ATP8A2: variants seen among roughly 807,000 people sequenced by gnomAD.
ATP8A2 encodes phospholipid-transporting ATPase IB.
ATP8A2 carries 100 observed loss-of-function variants against 165.6 expected under a neutral mutation model. That is an observed-to-expected ratio of 0.60 (90% CI 0.51 to 0.71). The LOEUF is 0.71. Among genes scored for constraint, ATP8A2 ranks in the 30% least tolerant of loss-of-function variants. The pLI is 0.00. For synonymous variants in ATP8A2, 543 were observed against 548.8 expected (o/e 0.99, Z 0.15); for missense variants, 1,227 against 1,479.5 (o/e 0.83, Z 2.80).
At chr13:25,902,257 G>A (rs1342338017) in intron 33 of ATP8A2, among the ~76,000 whole-genome samples, 1 of 152,170 alleles carries the variant, frequency 6.6e-6, no homozygotes, top group African/African-American at 2.4e-5. Flanking sequence ...GGAGTGATAT[G>A]CTTATAATCT....
intron 1 of ATP8A2, among the ~76,000 whole-genome samples, chr13:25,429,371 T>TAAA (rs751056483): frequency 7.9e-6 from 1 of 126,004 alleles, no homozygotes; most frequent in African/African-American, 3.6e-5. Flanking sequence ...GACTCCATCT[T>TAAA]AAAAAAAAAA....
chr13:25,967,718 A>G (rs1050399330), intron 34 of ATP8A2, among the ~76,000 whole-genome samples: 4 of 151,980 alleles, frequency 2.6e-5, no homozygotes, highest in Admixed American at 1.3e-4. Flanking sequence ...ATGTCTTTTC[A>G]CCTAGACTGT....
At chr13:25,859,133 C>T (rs887188109) in intron 30 of ATP8A2, among the ~76,000 whole-genome samples, 6 of 151,922 alleles carry the variant, frequency 3.9e-5, no homozygotes, top group Non-Finnish European at 5.9e-5. Context: ...ATCCAGGAGG[C>T]AGAGGTTGCA....
At chr13:25,631,990 G>C (rs563254677) in intron 24 of ATP8A2, among the ~76,000 whole-genome samples, 1 of 152,004 alleles carries the variant, frequency 6.6e-6, no homozygotes, top group African/African-American at 2.4e-5. Context: ...GGCTCTCCCC[G>C]ACCTTAGAAT....
At chr13:25,806,200 C>T (rs1472547035) in intron 27 of ATP8A2, among the ~76,000 whole-genome samples, 4 of 152,126 alleles carry the variant, frequency 2.6e-5, no homozygotes, top group Non-Finnish European at 4.4e-5. Context: ...AATCCACCTC[C>T]CTGCCGATAA....
rs137891461 is a variant in ATP8A2 at position 25,902,670 on chromosome 13, A to T, written c.3183+40262A>T. Reference sequence around the variant, plus strand: ...GCAGGCATTTTGCACCATGCTGCAAAACAGCTCCTCTTCCTACATTTGCCC... The same window carrying T: ...GCAGGCATTTTGCACCATGCTGCAATACAGCTCCTCTTCCTACATTTGCCC... On this transcript the variant is annotated intron_variant, in intron 33 of 36. Coordinates refer to ENST00000381655, the MANE Select transcript of ATP8A2 (RefSeq NM_016529.6). 8.6e-4 allele frequency among the ~76,000 whole-genome samples: 131 copies of T among 152,018 alleles called. 1 individual carries two copies. The highest frequency in any genetic ancestry group is 2.7e-3 in the African/African-American group (111 of 41,466).
rs1410584251 is a variant in ATP8A2 at position 25,579,925 on chromosome 13, A to G, written c.1985A>G (p.Glu662Gly). ...AAGGACAGAGCTCAACGGTTGGAAG[A>G]GTGTTACGAGATCATTGAGAAGGTA... ...ILKDRAQRLE[E>G]CYEIIEKNLL... Residue 662 changes from glutamate (E) to glycine (G), a missense_variant, in exon 22 of 37, where the codon GAG (glutamate) becomes GGG (glycine). Glu to Gly is a moderately conservative substitution (Grantham distance 98, BLOSUM62 -2). Coordinates refer to ENST00000381655, the MANE Select transcript of ATP8A2 (RefSeq NM_016529.6). The G allele has an allele frequency of 2.5e-6, 4 of 1,614,056 alleles. No homozygotes were observed. The highest frequency in any genetic ancestry group is 3.4e-6 in the Non-Finnish European group (4 of 1,179,986).
intron 24 of ATP8A2, among the ~76,000 whole-genome samples, chr13:25,604,279 G>T (rs2040462099): frequency 6.6e-6 from 1 of 152,154 alleles, no homozygotes; most frequent in African/African-American, 2.4e-5. Flanking sequence ...AGTGAAATGA[G>T]GTCTGAGAAA....
chr13:25,695,271 C>A (rs373371051), intron 24 of ATP8A2, among the ~76,000 whole-genome samples: 3 of 152,206 alleles, frequency 2.0e-5, no homozygotes, highest in African/African-American at 7.2e-5. Flanking sequence ...TACTAAAATA[C>A]GCTAACAATC....
At chr13:25,869,025 C>T (rs1011243321) in intron 33 of ATP8A2, among the ~76,000 whole-genome samples, 8 of 142,878 alleles carry the variant, frequency 5.6e-5, no homozygotes, top group African/African-American at 1.1e-4. Context: ...GCCGAGATCG[C>T]GCCACTGCAC....
intron 16 of ATP8A2, among the ~76,000 whole-genome samples, chr13:25,566,209 T>C (rs1245547829): frequency 6.6e-6 from 1 of 152,112 alleles, no homozygotes; most frequent in African/African-American, 2.4e-5. Flanking sequence ...TTGGTGATGC[T>C]GATGAAGTGG....
intron 24 of ATP8A2, among the ~76,000 whole-genome samples, chr13:25,618,026 G>A (rs2040871164): frequency 6.6e-6 from 1 of 152,188 alleles, no homozygotes; most frequent in African/African-American, 2.4e-5. Context: ...GACCGTGAGT[G>A]TGAATGGATG....
intron 24 of ATP8A2, among the ~76,000 whole-genome samples, chr13:25,667,127 T>C (rs75874153): frequency 0.035 from 5,320 of 152,256 alleles, 157 homozygotes; most frequent in East Asian, 0.13. Flanking sequence ...AAATCCTGTA[T>C]CCATTAAACA....
In ATP8A2 at chr13:25,760,143, G is replaced by A. The variant is rs146458148; in HGVS notation, c.2385-8903G>A. Reference sequence around the variant, plus strand: ...AGGCAGCATTTATGGCTTGAGTACAGGATCGAGTTTTAAGGGTTTTGTTCA... The same window carrying A: ...AGGCAGCATTTATGGCTTGAGTACAAGATCGAGTTTTAAGGGTTTTGTTCA... On this transcript the variant is annotated intron_variant, in intron 25 of 36. Transcript: ENST00000381655. Among the ~76,000 whole-genome samples the A allele has an allele frequency of 6.1e-4, 93 of 152,292 alleles. 3 individuals carry two copies. The East Asian group carries it at 0.013, about 22-fold the overall frequency.
At chr13:25,906,249 C>G (rs1330337316) in intron 33 of ATP8A2, among the ~76,000 whole-genome samples, 1 of 148,712 alleles carries the variant, frequency 6.7e-6, no homozygotes, top group Non-Finnish European at 1.5e-5. Context: ...TTTCACTACC[C>G]TCCCCGCCCC....
chr13:25,731,339 A>AGG (rs1156893284), intron 25 of ATP8A2, among the ~76,000 whole-genome samples: 77 of 148,896 alleles, frequency 5.2e-4, no homozygotes, highest in Non-Finnish European at 1.0e-3. Flanking sequence ...AGAGAAAGGG[A>AGG]AAGAAGAAAG....
chr13:25,649,091 C>G, intron 24 of ATP8A2: 1 of 478,092 alleles, frequency 2.1e-6, no homozygotes, highest in Non-Finnish European at 4.2e-6. Flanking sequence ...TCCTTGTGTC[C>G]TTGCGTTGGT....
chr13:25,386,564 C>T (rs1366472311), intron 1 of ATP8A2, among the ~76,000 whole-genome samples: 1 of 152,174 alleles, frequency 6.6e-6, no homozygotes, highest in Non-Finnish European at 1.5e-5. Context: ...GCTATGACCC[C>T]CACATTAATT....
intron 24 of ATP8A2, among the ~76,000 whole-genome samples, chr13:25,659,513 T>G (rs1408030249): frequency 1.3e-5 from 2 of 152,110 alleles, no homozygotes; most frequent in Non-Finnish European, 2.9e-5. Flanking sequence ...TGAGATAAGC[T>G]ATCTCTACAC....
Sources: allele counts gnomAD v4.1 joint callset (sites outside exome capture counted in the v4.1 genomes callset), GRCh38; gene constraint gnomAD v4.1.1; transcripts MANE v1.5; gene names NCBI Gene and HGNC (gene_info 2026-07-23, HGNC 2026-07-21).